Variants in SDK1 observed in about 807,000 individuals in gnomAD.
The protein encoded by SDK1 is protein sidekick-1.
Under a neutral mutation model 245.5 loss-of-function variants are expected in SDK1, and 157 were observed. The ratio of observed to expected loss-of-function variants is 0.64; its 90% CI spans 0.56 to 0.73. The LOEUF is 0.73. Ranked by LOEUF, SDK1 falls within the 30% of genes least tolerant of loss-of-function variation. The pLI is 0.00. For synonymous variants in SDK1, 1,647 were observed against 1,278.5 expected (o/e 1.29, Z -6.15); for missense variants, 3,583 against 3,002.3 (o/e 1.19, Z -4.52).
intron 25 of SDK1, among the ~76,000 whole-genome samples, chr7:4,124,322 G>A (rs1261618850): frequency 6.6e-6 from 1 of 152,210 alleles, no homozygotes; most frequent in Non-Finnish European, 1.5e-5. Flanking sequence ...GCAGGGCCAT[G>A]ATCCCCCTGA....
In SDK1 at chr7:3,998,266, C is replaced by T. The variant is rs139081567; in HGVS notation, c.2131+10944C>T. On this transcript the variant is annotated intron_variant, in intron 14 of 44. Coordinates refer to ENST00000404826, the MANE Select transcript of SDK1 (RefSeq NM_152744.4). ...GCTCCTATGGGCTCCTTGGAGCAAG[C>T]GGCCCCGGCAGCACCTCCCTGCAAC... Among the ~76,000 whole-genome samples the T allele has an allele frequency of 2.7e-3, 412 of 152,354 alleles. 3 individuals are homozygous for T. Among genetic ancestry groups the T allele is most frequent in the African/African-American group, 9.4e-3 (389 of 41,590 alleles).
intron 36 of SDK1, among the ~76,000 whole-genome samples, chr7:4,207,176 G>A (rs1784270526): frequency 6.6e-6 from 1 of 152,176 alleles, no homozygotes; most frequent in African/African-American, 2.4e-5. Flanking sequence ...GAGCAAGGCG[G>A]GCGGGTGTGC....
At chr7:3,971,081 C>T (rs1782454607) in intron 11 of SDK1, among the ~76,000 whole-genome samples, 1 of 152,160 alleles carries the variant, frequency 6.6e-6, no homozygotes, top group African/African-American at 2.4e-5. Context: ...AACAAAAACA[C>T]TTGACAGACT....
intron 20 of SDK1, among the ~76,000 whole-genome samples, chr7:4,071,776 A>G (rs1045733926): frequency 1.2e-4 from 19 of 152,236 alleles, no homozygotes; most frequent in Non-Finnish European, 2.6e-4. Context: ...CTGATCCCAG[A>G]AACGGGGCTG....
chr7:4,073,475 AG>A (rs1292666765), intron 20 of SDK1, among the ~76,000 whole-genome samples: 2 of 152,216 alleles, frequency 1.3e-5, no homozygotes, highest in Non-Finnish European at 2.9e-5. Flanking sequence ...CTCTTCCTGA[AG>A]ATGCTGGAAT....
At chr7:3,615,245 C>T (rs1781729919) in intron 1 of SDK1, among the ~76,000 whole-genome samples, 1 of 151,620 alleles carries the variant, frequency 6.6e-6, no homozygotes, top group South Asian at 2.1e-4. Context: ...GCCTGTAGCT[C>T]AGTAAATCCC....
chr7:4,005,575 T>C (rs917858472), intron 14 of SDK1, among the ~76,000 whole-genome samples: 8 of 152,026 alleles, frequency 5.3e-5, no homozygotes, highest in Non-Finnish European at 1.0e-4. Context: ...CAGAAGTTAT[T>C]TAAACTTCCC....
intron 1 of SDK1, among the ~76,000 whole-genome samples, chr7:3,347,543 C>T (rs189022471): frequency 2.0e-4 from 30 of 152,298 alleles, no homozygotes; most frequent in Non-Finnish European, 2.6e-4. Context: ...TTTTCTGTTC[C>T]TAGATATTTT....
chr7:4,132,122 T>C (rs985089080), intron 27 of SDK1, among the ~76,000 whole-genome samples: 3 of 152,096 alleles, frequency 2.0e-5, no homozygotes, highest in African/African-American at 7.2e-5. Context: ...TAAAGGGAAG[T>C]GTTTGCTCAA....
chr7:4,153,088 T>C (rs1780491293), intron 30 of SDK1, among the ~76,000 whole-genome samples: 1 of 152,092 alleles, frequency 6.6e-6, no homozygotes, highest in Non-Finnish European at 1.5e-5. Context: ...CTGGCTGTGA[T>C]GGGCTCAGCT....
intron 5 of SDK1, among the ~76,000 whole-genome samples, chr7:3,944,626 T>C (rs1251754034): frequency 6.6e-6 from 1 of 152,206 alleles, no homozygotes; most frequent in South Asian, 2.1e-4. Flanking sequence ...TTCTAAAAAT[T>C]GAACTTGGAA....
intron 1 of SDK1, among the ~76,000 whole-genome samples, chr7:3,519,898 G>A (rs962532015): frequency 5.9e-5 from 9 of 152,146 alleles, no homozygotes; most frequent in African/African-American, 2.2e-4. Flanking sequence ...AATATTGTGT[G>A]TATAAACTAG....
At chr7:4,105,956 C>T (rs1336596375) in intron 22 of SDK1, among the ~76,000 whole-genome samples, 1 of 152,190 alleles carries the variant, frequency 6.6e-6, no homozygotes, top group Non-Finnish European at 1.5e-5. Flanking sequence ...CCATGTGGCA[C>T]CTGCCTGGGT....
At chr7:3,382,805 A>G (rs1390998427) in intron 1 of SDK1, among the ~76,000 whole-genome samples, 1 of 152,168 alleles carries the variant, frequency 6.6e-6, no homozygotes, top group Non-Finnish European at 1.5e-5. Flanking sequence ...ATTTTTCACA[A>G]CATCTGATTC....
chr7:3,759,433 C>T (rs1018685207), intron 4 of SDK1, among the ~76,000 whole-genome samples: 1 of 152,138 alleles, frequency 6.6e-6, no homozygotes, highest in Non-Finnish European at 1.5e-5. Context: ...CATCCTGATG[C>T]ATGACTTTAA....
At chr7:3,344,965 T>C (rs1780455062) in intron 1 of SDK1, among the ~76,000 whole-genome samples, 1 of 152,206 alleles carries the variant, frequency 6.6e-6, no homozygotes, top group African/African-American at 2.4e-5. Context: ...GGGTAGTGCT[T>C]TGGGGACAAC....
At chr7:3,626,337 A>G (rs573268105) in intron 2 of SDK1, among the ~76,000 whole-genome samples, 3 of 152,338 alleles carry the variant, frequency 2.0e-5, no homozygotes, top group Non-Finnish European at 2.9e-5. Flanking sequence ...CTAATTCATG[A>G]AAGAGTCCCT....
chr7:3,621,183 G>T (rs1425832243), intron 2 of SDK1, among the ~76,000 whole-genome samples: 1 of 152,176 alleles, frequency 6.6e-6, no homozygotes, highest in Non-Finnish European at 1.5e-5. Context: ...GTAAGGCTCA[G>T]TTTGTTAGAA....
intron 1 of SDK1, among the ~76,000 whole-genome samples, chr7:3,495,252 CTTTTTTTTT>C (rs71029675): frequency 1.1e-3 from 114 of 99,768 alleles, no homozygotes; most frequent in African/African-American, 4.2e-3. Context: ...CATAATGGTT[CTTTTTTTTT>C]TTTTTTTTTT....
Sources: allele counts gnomAD v4.1 joint callset (sites outside exome capture counted in the v4.1 genomes callset), GRCh38; gene constraint gnomAD v4.1.1; transcripts MANE v1.5; gene names NCBI Gene and HGNC (gene_info 2026-07-23, HGNC 2026-07-21).